Variants in PER2 observed in about 807,000 individuals in gnomAD.
The protein encoded by PER2 is period circadian protein homolog 2.
Under a neutral mutation model 121.0 loss-of-function variants are expected in PER2, and 66 were observed. The ratio of observed to expected loss-of-function variants is 0.55; its 90% CI spans 0.45 to 0.67. PER2 has a LOEUF of 0.67. PER2 is among the 30% of genes least tolerant of loss of function. PER2 has a pLI of 0.00. For synonymous variants in PER2, 684 were observed against 659.9 expected, an observed-to-expected ratio of 1.04 and a Z score of -0.56; for missense variants, 1,521 against 1,635.0, an observed-to-expected ratio of 0.93 and a Z score of 1.20.
Position 238,260,033 on chromosome 2 carries a change from G to C in PER2, c.1563C>G (p.Asn521Lys), listed in dbSNP as rs1219330725. The part of the protein sequence containing the change: ...RRRAEICKNG[N>K]KTKNRSHYSH... ...AATAATGACTTCTATTTTTGGTCTT[G>C]TTACCATTTTTACAAATTTCCTTGA... The change falls in exon 14 of 23, where the codon AAC becomes AAG. Residue 521 changes from asparagine to lysine, a missense_variant. Asn to Lys is a moderately conservative substitution (Grantham distance 94). Transcript: ENST00000254657. The C allele has an allele frequency of 6.7e-7, 1 of 1,501,076 alleles. No homozygotes were observed. The allele number at this position is 1,501,076 out of a possible 1,614,324, so 93.0% of individuals were successfully genotyped here.
At chr2:238,289,694 T>A (rs1014490859), upstream of PER2, 4 of 152,138 alleles carry the variant, frequency 2.6e-5, no homozygotes, top group African/African-American at 9.7e-5. Context: ...AGATGGGCCC[T>A]GAGAAAGGGA....
chr2:238,290,572 T>C (rs2106338688), upstream of PER2, among the ~76,000 whole-genome samples: 2 of 152,288 alleles, frequency 1.3e-5, no homozygotes, highest in East Asian at 3.9e-4. Context: ...CTGGTAGAAA[T>C]ATATTGAAAT....
At chr2:238,277,294 G>C (rs1696485313) in intron 2 of PER2, 101 bp from the exon 3 acceptor site, 1 of 832,144 alleles carries the variant, frequency 1.2e-6, no homozygotes, top group Non-Finnish European at 2.1e-6. Flanking sequence ...ATAATACCAT[G>C]GTAAGACAAT....
chr2:238,283,319 C>T (rs1425780819), intron 1 of PER2, among the ~76,000 whole-genome samples: 1 of 152,234 alleles, frequency 6.6e-6, no homozygotes, highest in Non-Finnish European at 1.5e-5. Flanking sequence ...AGCAGGGTGT[C>T]GTCTTGTGTG....
chr2:238,264,378 T>C lies in PER2; in HGVS notation c.1046+1134A>G, dbSNP rs968196484. On this transcript the variant is annotated intron_variant, in intron 9 of 22. Coordinates refer to ENST00000254657, the MANE Select transcript of PER2 (RefSeq NM_022817.3). ...GCCCCGCGGACACACCTGAGCCACC[T>C]GGAGCTGGAAGTGACGGATCCCTTT... 3.3e-5 allele frequency among the ~76,000 whole-genome samples: 5 copies of C among 152,370 alleles called. No individual in the cohort carries two copies. In the South Asian group the frequency reaches 6.2e-4, roughly 19 times the overall value.
chr2:238,274,071 C>T (rs2106320933), intron 4 of PER2, among the ~76,000 whole-genome samples: 1 of 152,346 alleles, frequency 6.6e-6, no homozygotes, highest in East Asian at 1.9e-4. Context: ...ACACCCCCAT[C>T]CAGGCAGAAC....
intron 1 of PER2, among the ~76,000 whole-genome samples, chr2:238,283,159 G>A (rs1033150256): frequency 6.6e-6 from 1 of 152,216 alleles, no homozygotes; most frequent in African/African-American, 2.4e-5. Flanking sequence ...GGAGGAGCTG[G>A]CAGAAAATGC....
Position 238,263,052 on chromosome 2 carries a change from G to T in PER2, c.1053C>A (p.Val351=). The T allele has an allele frequency of 6.2e-7, 1 of 1,606,924 alleles. No individual in the cohort carries two copies. The highest frequency in any genetic ancestry group is 1.1e-5 in the South Asian group (1 of 90,874). ...CLFQDVDERA[V]PLLGYLPQDL... is the part of the protein sequence containing the mutation. ...CCTGAGGTAGGTAGCCCAGGAGAGG[G>T]ACCGCCCTGGAAGGCAAGCAGACAC... The change falls in exon 10 of 23, where the codon GTC becomes GTA. Residue 351 remains valine (V), a synonymous_variant. Transcript: ENST00000254657.
At chr2:238,262,607 C>T (rs1695969713) in intron 10 of PER2, among the ~76,000 whole-genome samples, 1 of 152,166 alleles carries the variant, frequency 6.6e-6, no homozygotes, top group African/African-American at 2.4e-5. Flanking sequence ...TGAGGACATG[C>T]ACTGTGCACT....
At chr2:238,257,355 C>T (rs948298979) in intron 16 of PER2, among the ~76,000 whole-genome samples, 2 of 152,242 alleles carry the variant, frequency 1.3e-5, no homozygotes, top group Non-Finnish European at 2.9e-5. Context: ...AGCAGCTTGG[C>T]AGCTGCAGGG....
In PER2 at chr2:238,258,420, C is replaced by T. The variant is rs750670106; in HGVS notation, c.1776-20G>A. On this transcript the variant is annotated intron_variant, in intron 15 of 22. Coordinates refer to ENST00000254657, the MANE Select transcript of PER2 (RefSeq NM_022817.3). ...AAGTACCTGTGTGAAAGGCATGAAC[C>T]ACTGGTGAGGCCACACAACATGAGA... 1.2e-6 allele frequency: 2 copies of T among 1,614,136 alleles called. No individual in the cohort carries two copies. Among genetic ancestry groups the T allele is most frequent in the South Asian group, 2.2e-5 (2 of 91,080 alleles).
chr2:238,278,013 A>C (rs563778405), intron 1 of PER2, 58 bp from the exon 2 acceptor site: 1 of 1,565,140 alleles, frequency 6.4e-7, no homozygotes, highest in Non-Finnish European at 8.7e-7. Flanking sequence ...GGGGCGCTGC[A>C]GCCATCAGGT....
At position 238,260,921 on chromosome 2, in the gene PER2, C is replaced by T; in HGVS notation, c.1449G>A (p.Gly483=). 6.2e-7 allele frequency: 1 copy of T among 1,613,318 alleles called. No individual in the cohort carries two copies. Among genetic ancestry groups the T allele is most frequent in the Non-Finnish European group, 8.5e-7 (1 of 1,180,014 alleles). ...CGTGGGACCCGTTGCTGCCCAGACT[C>T]CCGTAGCCACTGGAGCCGCTGTGGG... ...PVPHSGSSGY[G]SLGSNGSHEH... Residue 483 remains glycine (G), a synonymous_variant, in exon 13 of 23, where the codon GGG becomes GGA. Coordinates refer to ENST00000254657, the MANE Select transcript of PER2 (RefSeq NM_022817.3).
intron 6 of PER2, among the ~76,000 whole-genome samples, chr2:238,269,443 C>T (rs1696216656): frequency 7.1e-6 from 1 of 140,802 alleles, no homozygotes. Flanking sequence ...ACTCACGGTG[C>T]ACTGCTGCAA....
rs755628199 is a variant in PER2, at chr2:238,268,962, T to G, written c.785A>C (p.Gln262Pro). ...SMCSGADSFT[Q>P]ECMEEKSFFC... ...GAAAGATTTCTCCTCCATGCATTCT[T>G]GAGTAAAAGAATCTAAAAGAGAGAG... Residue 262 changes from glutamine (Q) to proline (P), a missense_variant, in exon 7 of 23, where the codon CAA (glutamine) becomes CCA (proline). Coordinates refer to ENST00000254657, the MANE Select transcript of PER2 (RefSeq NM_022817.3). The surrounding 1 kb of genome is among the most constrained non-coding windows in gnomAD (Gnocchi z 4.0). 5.6e-6 allele frequency: 9 copies of G among 1,612,012 alleles called. No homozygotes were observed. In the East Asian group the frequency reaches 1.8e-4, roughly 32 times the overall value.
At chr2:238,263,090 G>T in intron 9 of PER2, 32 bp from the exon 10 acceptor site, 1 of 1,272,964 alleles carries the variant, frequency 7.9e-7, no homozygotes, top group Non-Finnish European at 1.1e-6. Flanking sequence ...GCTAGGATTG[G>T]CATCCAAACA....
In PER2 at chr2:238,253,329, G is replaced by A; in HGVS notation, c.2694C>T (p.Ala898=). The A allele has an allele frequency of 1.2e-6, 2 of 1,613,838 alleles. No homozygotes were observed. The highest frequency in any genetic ancestry group is 1.3e-5 in the African/African-American group (1 of 75,066). The part of the protein sequence containing the change: ...QFAVQPPPFP[A]PLAPVMAFML... ...TGAATGCCATGACAGGCGCCAAAGG[G>A]GCAGGGAAAGGTGGGGGCTGGACTG... is the stretch of plus-strand genomic sequence containing the variant. The change falls in exon 19 of 23, where the codon GCC becomes GCT. Residue 898 remains alanine (A), a synonymous_variant. Coordinates refer to ENST00000254657, the MANE Select transcript of PER2 (RefSeq NM_022817.3). The surrounding 1 kb of genome is among the most constrained non-coding windows in gnomAD (Gnocchi z 5.6).
At chr2:238,250,850 C>A in intron 20 of PER2, 107 bp from the exon 21 acceptor site, 2 of 768,062 alleles carry the variant, frequency 2.6e-6, no homozygotes, top group Non-Finnish European at 4.5e-6. Flanking sequence ...CCAGTGCCTT[C>A]TTAGGTATTG....
Position 238,245,284 on chromosome 2 carries a change from T to G in PER2, c.*1091A>C. On this transcript the variant is annotated 3_prime_UTR_variant, in exon 23 of 23. Transcript: ENST00000254657. ...AATGACCTAAAAGTGCTGGGGACAC[T>G]GGCAGAGGCCTGAAGCTGCTCCGAG... 1 of 315,954 alleles carries G rather than the reference T, an allele frequency of 3.2e-6. No individual in the cohort carries two copies. The highest frequency in any genetic ancestry group is 5.8e-6 in the Non-Finnish European group (1 of 173,792). 19.6% of individuals were successfully genotyped at this position (315,954 alleles called of 1,614,324 possible). A position where few individuals can be genotyped will look rare whatever the true frequency, so the allele number is the denominator to read the frequency against.
Sources: allele counts gnomAD v4.1 joint callset (sites outside exome capture counted in the v4.1 genomes callset), GRCh38; gene constraint gnomAD v4.1.1; non-coding constraint Gnocchi (gnomAD v3.1); transcripts MANE v1.5; gene names NCBI Gene and HGNC (gene_info 2026-07-23, HGNC 2026-07-21).